The following INPP5B variants were observed in gnomAD, a reference collection of about 807,000 sequenced individuals.
The protein encoded by INPP5B is inositol polyphosphate-5-phosphatase B, also known as type II inositol 1,4,5-trisphosphate 5-phosphatase.
INPP5B carries 90 observed loss-of-function variants against 118.5 expected under a neutral mutation model. The observed-to-expected ratio is 0.76, with a 90% CI of 0.64 to 0.90. The LOEUF is 0.90. INPP5B is among the 40% of genes least tolerant of loss of function. The pLI is 0.00. For synonymous variants in INPP5B, 385 were observed against 418.9 expected (o/e 0.92, Z 0.99); for missense variants, 984 against 1,125.6 (o/e 0.87, Z 1.80).
At position 37,907,228 on chromosome 1, in the gene INPP5B, C is replaced by T. The variant is rs1169332571; in HGVS notation, c.533-15774G>A. Among the ~76,000 whole-genome samples, 1 of 152,152 alleles carries T rather than the reference C, an allele frequency of 6.6e-6. No individual in the cohort carries two copies. Among genetic ancestry groups the T allele is most frequent in the Non-Finnish European group, 1.5e-5 (1 of 68,028 alleles). On this transcript the variant is annotated intron_variant, in intron 7 of 23. Transcript: ENST00000373024. The surrounding 1 kb of genome is among the most constrained non-coding windows in gnomAD (Gnocchi z 4.3). ...TGTGTAGAAACGCACAATAAGCTTA[C>T]TGAATGTTTTCTTAAATTGAACACT...
At chr1:37,910,713 C>T (rs909522720) in intron 7 of INPP5B, among the ~76,000 whole-genome samples, 2 of 152,018 alleles carry the variant, frequency 1.3e-5, no homozygotes, top group African/African-American at 4.8e-5. Context: ...CCTTTTAAAG[C>T]CTATAAACTC....
At chr1:37,895,564 C>T (rs1644001794) in intron 7 of INPP5B, among the ~76,000 whole-genome samples, 4 of 151,738 alleles carry the variant, frequency 2.6e-5, no homozygotes. Context: ...TGATGCCGAG[C>T]CGAAGCTGGA....
chr1:37,933,761 T>TAAA (rs1557720391), intron 6 of INPP5B, among the ~76,000 whole-genome samples: 26 of 144,986 alleles, frequency 1.8e-4, no homozygotes, highest in African/African-American at 5.2e-4. Flanking sequence ...AAATAAATAA[T>TAAA]AGATAAAATA....
At position 37,927,261 on chromosome 1, in the gene INPP5B, C is replaced by T. The variant is rs184709133; in HGVS notation, c.532+4652G>A. On this transcript the variant is annotated intron_variant, in intron 7 of 23. Transcript: ENST00000373024. ...AGTGAGCCAAGATCGTGCCACTGCA[C>T]TCCTAGCCTGGTGACACAGCAAGAC... is the stretch of plus-strand genomic sequence containing the variant. Among the ~76,000 whole-genome samples the T allele has an allele frequency of 4.6e-5, 7 of 152,160 alleles. No individual in the cohort carries two copies. The East Asian group carries it at 1.4e-3, about 29-fold the overall frequency.
intron 23 of INPP5B, among the ~76,000 whole-genome samples, chr1:37,863,909 G>A (rs1641866909): frequency 6.6e-6 from 1 of 150,646 alleles, no homozygotes; most frequent in South Asian, 2.1e-4. Context: ...CCGCCTCCCA[G>A]TTTCAAGCGA....
At chr1:37,941,417 G>A (rs1645904291) in intron 5 of INPP5B, among the ~76,000 whole-genome samples, 1 of 152,000 alleles carries the variant, frequency 6.6e-6, no homozygotes, top group South Asian at 2.1e-4. Flanking sequence ...GGAGGCCAGG[G>A]CAGGAGGATT....
intron 6 of INPP5B, among the ~76,000 whole-genome samples, chr1:37,934,106 G>T (rs1645598102): frequency 6.6e-6 from 1 of 151,844 alleles, no homozygotes; most frequent in Non-Finnish European, 1.5e-5. Flanking sequence ...GCTAATTTTT[G>T]TATTTTTAGT....
At position 37,871,766 on chromosome 1, in the gene INPP5B, G is replaced by A. The variant is rs543998331; in HGVS notation, c.2187+1164C>T. Among the ~76,000 whole-genome samples, 85 of 151,850 alleles carry A rather than the reference G, an allele frequency of 5.6e-4. 1 individual carries two copies. In the South Asian group the frequency reaches 0.017, roughly 30 times the overall value. On this transcript the variant is annotated intron_variant, in intron 19 of 23. Coordinates refer to ENST00000373024, the MANE Select transcript of INPP5B (RefSeq NM_005540.3). ...AAAATACCAAAATTAGCATGATGGC[G>A]GGTGCCTGTAATCTCAGCTACTTGG...
intron 16 of INPP5B, among the ~76,000 whole-genome samples, chr1:37,877,554 C>A (rs1642920648): frequency 6.6e-6 from 1 of 152,120 alleles, no homozygotes; most frequent in Admixed American, 6.5e-5. Context: ...GGTAATTTAG[C>A]AAGATCTAAT....
chr1:37,899,370 C>T (rs759638319), intron 7 of INPP5B, among the ~76,000 whole-genome samples: 53 of 151,890 alleles, frequency 3.5e-4, no homozygotes, highest in Admixed American at 7.9e-4. Context: ...TCGAGACCAG[C>T]CTGACCAACA....
intron 7 of INPP5B, among the ~76,000 whole-genome samples, chr1:37,905,830 C>G (rs1644485079): frequency 6.6e-6 from 1 of 152,172 alleles, no homozygotes; most frequent in Non-Finnish European, 1.5e-5. Flanking sequence ...CTAAAGTAAT[C>G]TTTTTGACTT....
chr1:37,939,189 C>T (rs571039509), intron 6 of INPP5B, among the ~76,000 whole-genome samples: 176 of 140,648 alleles, frequency 1.3e-3, no homozygotes, highest in African/African-American at 4.4e-3. Context: ...AGCGAAACTC[C>T]GTCTCAAAAA....
chr1:37,912,386 T>A (rs1406391469), intron 7 of INPP5B, among the ~76,000 whole-genome samples: 1 of 152,192 alleles, frequency 6.6e-6, no homozygotes, highest in Non-Finnish European at 1.5e-5. Flanking sequence ...TCCTTAAACT[T>A]ATTTGCATTT....
At chr1:37,944,858 A>G (rs930343131) in intron 3 of INPP5B, among the ~76,000 whole-genome samples, 1 of 151,592 alleles carries the variant, frequency 6.6e-6, no homozygotes, top group South Asian at 2.1e-4. Context: ...GGCTCAAGCA[A>G]TCTTCCTGCC....
rs1372661979 is a variant in INPP5B, at chr1:37,946,391, G to A, written c.-26-57C>T. Reference sequence around the variant, plus strand: ...GTCAACAAGTTACGCATGGGGTGGTGGAGCTGCCTCAGAGGGGTTGGGGGC... The same window carrying A: ...GTCAACAAGTTACGCATGGGGTGGTAGAGCTGCCTCAGAGGGGTTGGGGGC... On this transcript the variant is annotated intron_variant, in intron 1 of 23. Coordinates refer to ENST00000373024, the MANE Select transcript of INPP5B (RefSeq NM_005540.3). 5.1e-6 allele frequency: 7 copies of A among 1,362,050 alleles called. No homozygotes were observed. In the East Asian group the frequency reaches 9.8e-5, roughly 19 times the overall value. 84.4% of individuals were successfully genotyped at this position (1,362,050 alleles called of 1,614,324 possible). A position where few individuals can be genotyped will look rare whatever the true frequency, so the allele number is the denominator to read the frequency against.
intron 15 of INPP5B, among the ~76,000 whole-genome samples, chr1:37,879,736 T>G (rs527951985): frequency 6.6e-6 from 1 of 152,298 alleles, no homozygotes; most frequent in South Asian, 2.1e-4. Flanking sequence ...CTAGCCTGGA[T>G]GACAGAGCAA....
Position 37,907,314 on chromosome 1 carries a change from A to G in INPP5B, c.533-15860T>C, listed in dbSNP as rs964584178. On this transcript the variant is annotated intron_variant, in intron 7 of 23. Transcript: ENST00000373024. This position sits in a 1 kb window ranked among gnomAD's most constrained non-coding sequence, Gnocchi z 4.3. ...CAAGAGACATGAATGGCCTTGCCAT[A>G]CTGCTGCTTTCTGACTGAGCTCCTC... Among the ~76,000 whole-genome samples the G allele has an allele frequency of 2.0e-5, 3 of 152,206 alleles. No homozygotes were observed. Among genetic ancestry groups the G allele is most frequent in the Non-Finnish European group, 4.4e-5 (3 of 68,034 alleles).
chr1:37,917,308 T>TTTTATATATATATA (rs1367504194), intron 7 of INPP5B, among the ~76,000 whole-genome samples: 2 of 92,796 alleles, frequency 2.2e-5, no homozygotes, highest in Non-Finnish European at 4.1e-5. Flanking sequence ...AAAAAAATAA[T>TTTTATATATATATA]TATATATATA....
intron 18 of INPP5B, 33 bp downstream of exon 18, chr1:37,873,960 C>G: frequency 6.7e-7 from 1 of 1,485,522 alleles, no homozygotes; most frequent in African/African-American, 1.4e-5. Flanking sequence ...TTCCCCAAAC[C>G]AGATACCAGG....
Sources: allele counts gnomAD v4.1 joint callset (sites outside exome capture counted in the v4.1 genomes callset), GRCh38; gene constraint gnomAD v4.1.1; non-coding constraint Gnocchi (gnomAD v3.1); transcripts MANE v1.5; gene names NCBI Gene and HGNC (gene_info 2026-07-23, HGNC 2026-07-21).